PCSK6: variants seen among roughly 807,000 people sequenced by gnomAD.
The protein encoded by PCSK6 is proprotein convertase subtilisin/kexin type 6, also known as paired basic amino acid cleaving enzyme 4.
Under a neutral mutation model 123.3 loss-of-function variants are expected in PCSK6, and 85 were observed. The ratio of observed to expected loss-of-function variants is 0.69; its 90% CI spans 0.58 to 0.83. The LOEUF is 0.83. Among genes scored for constraint, PCSK6 ranks in the 40% least tolerant of loss-of-function variants. PCSK6 has a pLI of 0.00. For synonymous variants in PCSK6, 508 were observed against 516.0 expected, an observed-to-expected ratio of 0.98 and a Z score of 0.21; for missense variants, 1,191 against 1,282.3, an observed-to-expected ratio of 0.93 and a Z score of 1.09.
At chr15:101,465,995 G>T (rs1427424955) in intron 1 of PCSK6, among the ~76,000 whole-genome samples, 1 of 152,096 alleles carries the variant, frequency 6.6e-6, no homozygotes, top group Non-Finnish European at 1.5e-5. Flanking sequence ...AACAACGCCA[G>T]CAAGGACTTT....
intron 13 of PCSK6, among the ~76,000 whole-genome samples, chr15:101,364,602 G>A (rs780749819): frequency 1.5e-4 from 23 of 152,224 alleles, no homozygotes; most frequent in South Asian, 1.5e-3. Context: ...TTTCACCAAG[G>A]AGGCGAAAGA....
At chr15:101,377,987 T>TGG (rs1426877626) in intron 11 of PCSK6, among the ~76,000 whole-genome samples, 1 of 152,292 alleles carries the variant, frequency 6.6e-6, no homozygotes, top group East Asian at 1.9e-4. Flanking sequence ...AGCACTGAGG[T>TGG]GGGAGTCATG....
At chr15:101,413,277 GAAGGT>G (rs1288668690) in intron 6 of PCSK6, among the ~76,000 whole-genome samples, 9 of 152,082 alleles carry the variant, frequency 5.9e-5, no homozygotes, top group African/African-American at 1.7e-4. Flanking sequence ...GGATATAAAG[GAAGGT>G]AAGGTTTCTG....
In PCSK6 at chr15:101,318,415, G is replaced by A. The variant is rs753895694; in HGVS notation, c.2473C>T (p.Arg825Trp). 25 of 1,556,404 alleles carry A rather than the reference G, an allele frequency of 1.6e-5. No individual in the cohort carries two copies. Among genetic ancestry groups the A allele is most frequent in the Admixed American group, 1.2e-4 (6 of 51,558 alleles). ...TCACAGTCAGGAATGCAGCTGCCCCGTGCAAGGCTGTTGAAAAGAAAGAGG... is the reference window on the plus strand; with the variant it reads ...TCACAGTCAGGAATGCAGCTGCCCCATGCAAGGCTGTTGAAAAGAAAGAGG... The part of the protein sequence containing the change: ...TVCKEGFSLA[R>W]GSCIPDCEPG... Residue 825 changes from arginine to tryptophan, a missense_variant, in exon 19 of 22, where the codon CGG becomes TGG. Physicochemically the swap from Arg to Trp is moderately radical, Grantham distance 101 (BLOSUM62 -3). Transcript: ENST00000611716.
In PCSK6 at chr15:101,480,567, G is replaced by C. The variant is rs148608074; in HGVS notation, c.297+8807C>G. 1.1e-3 allele frequency among the ~76,000 whole-genome samples: 175 copies of C among 152,338 alleles called. 5 individuals carry two copies. The East Asian group carries it at 0.025, about 21-fold the overall frequency. ...CCCCCTTCCTTGCAGGACTAGACAGGGGGCCTTGCGCCTGCTGCTGGGTCC... is the reference window on the plus strand; with the variant it reads ...CCCCCTTCCTTGCAGGACTAGACAGCGGGCCTTGCGCCTGCTGCTGGGTCC... On this transcript the variant is annotated intron_variant, in intron 1 of 21. Transcript: ENST00000611716.
chr15:101,388,093 T>C (rs928619488), intron 9 of PCSK6, among the ~76,000 whole-genome samples: 2 of 152,218 alleles, frequency 1.3e-5, no homozygotes, highest in African/African-American at 4.8e-5. Flanking sequence ...TCTTTGCATG[T>C]TTCCAATAAG....
At chr15:101,380,796 G>C (rs984200511) in intron 11 of PCSK6, among the ~76,000 whole-genome samples, 5 of 152,174 alleles carry the variant, frequency 3.3e-5, no homozygotes, top group African/African-American at 1.2e-4. Context: ...CATATTCAAG[G>C]AAGAGCATCT....
chr15:101,347,544 T>G (rs2040767019), intron 13 of PCSK6: 4 of 1,383,708 alleles, frequency 2.9e-6, no homozygotes, highest in African/African-American at 2.9e-5. Context: ...TTAAACAAGG[T>G]TCATGCTTGC....
rs564006596 is a variant in PCSK6 at position 101,411,765 on chromosome 15, C to T, written c.824-13189G>A. Among the ~76,000 whole-genome samples the T allele has an allele frequency of 2.2e-4, 33 of 152,306 alleles. No homozygotes were observed. In the South Asian group the frequency reaches 3.5e-3, roughly 16 times the overall value. On this transcript the variant is annotated intron_variant, in intron 6 of 21. Transcript: ENST00000611716. ...TGGCGAGCCTAGACCTCCACCCATG[C>T]GAGGACGAAATGAGGTGCCCGACCT...
At chr15:101,435,713 C>A (rs1055592245) in intron 2 of PCSK6, among the ~76,000 whole-genome samples, 3 of 152,220 alleles carry the variant, frequency 2.0e-5, no homozygotes, top group African/African-American at 7.2e-5. Context: ...TGTGCTTCCT[C>A]CAGCTTCCTT....
At position 101,489,380 on chromosome 15, in the gene PCSK6, C is replaced by T; in HGVS notation, c.291G>A (p.Leu97=). 1 of 1,249,262 alleles carries T rather than the reference C, an allele frequency of 8.0e-7. No individual in the cohort carries two copies. 77.4% of individuals were successfully genotyped at this position (1,249,262 alleles called of 1,614,324 possible). ...RVAAAHGYLN[L]GQIGNLEDYY... ...CGGGGCCGGCCGCACTCACCTGGCC[C>T]AAGTTGAGGTACCCGTGCGCCGCCG... Residue 97 remains leucine (L), a synonymous_variant, in exon 1 of 22, where the codon TTG becomes TTA. Coordinates refer to ENST00000611716, the MANE Select transcript of PCSK6 (RefSeq NM_002570.5).
chr15:101,485,560 A>G (rs1047925277), intron 1 of PCSK6, among the ~76,000 whole-genome samples: 1 of 152,204 alleles, frequency 6.6e-6, no homozygotes, highest in African/African-American at 2.4e-5. Flanking sequence ...CCCATCTGGA[A>G]TGTACTGTTG....
intron 6 of PCSK6, among the ~76,000 whole-genome samples, chr15:101,403,096 A>G (rs1340836325): frequency 2.0e-5 from 3 of 152,112 alleles, no homozygotes; most frequent in African/African-American, 2.4e-5. Context: ...CAGCCATAAA[A>G]AATGATGAGT....
chr15:101,470,809 C>T (rs2057585014), intron 1 of PCSK6, among the ~76,000 whole-genome samples: 1 of 152,170 alleles, frequency 6.6e-6, no homozygotes, highest in Admixed American at 6.5e-5. Flanking sequence ...ATCAGGATTC[C>T]GACATAGGAC....
intron 1 of PCSK6, among the ~76,000 whole-genome samples, chr15:101,473,910 TG>T (rs2057665380): frequency 1.3e-5 from 2 of 151,946 alleles, no homozygotes; most frequent in South Asian, 2.1e-4. Flanking sequence ...AAATAATGAA[TG>T]AATGAATGAA....
At chr15:101,313,558 T>TG in intron 19 of PCSK6, 53 bp from the exon 20 acceptor site, 1 of 1,553,626 alleles carries the variant, frequency 6.4e-7, no homozygotes, top group Non-Finnish European at 8.7e-7. Context: ...CAGAAGACCA[T>TG]GCCCCAGGCC....
At chr15:101,386,451 C>T (rs547282498) in intron 9 of PCSK6, among the ~76,000 whole-genome samples, 2 of 152,326 alleles carry the variant, frequency 1.3e-5, no homozygotes, top group South Asian at 2.1e-4. Context: ...TACCGCCACA[C>T]CCACCTCCAG....
chr15:101,473,556 G>A (rs2057655706), intron 1 of PCSK6, among the ~76,000 whole-genome samples: 1 of 152,212 alleles, frequency 6.6e-6, no homozygotes, highest in Non-Finnish European at 1.5e-5. Flanking sequence ...AAGTACTAAT[G>A]AGTTCACAGA....
At chr15:101,464,069 G>T (rs1286567747) in intron 1 of PCSK6, among the ~76,000 whole-genome samples, 1 of 152,098 alleles carries the variant, frequency 6.6e-6, no homozygotes. Context: ...GGTTTTGGCA[G>T]CGAACTCTCA....
Sources: gnomAD v4.1 joint callset for allele counts (sites outside exome capture counted in the v4.1 genomes callset) on GRCh38, gnomAD v4.1.1 for gene constraint, MANE v1.5 for transcripts, NCBI Gene and HGNC (gene_info 2026-07-23, HGNC 2026-07-21) for gene names.